FOXP2: variants seen among roughly 807,000 people sequenced by gnomAD.
FOXP2 encodes the protein forkhead box P2, also known as forkhead box protein P2.
Under a neutral mutation model 115.8 loss-of-function variants are expected in FOXP2, and 12 were observed. That is an observed-to-expected ratio of 0.10 (90% CI 0.07 to 0.17). The LOEUF is 0.17. Ranked by LOEUF, FOXP2 falls within the 10% of genes least tolerant of loss-of-function variation. The pLI, the probability that FOXP2 is intolerant of heterozygous loss-of-function variation, is 1.00. For synonymous variants in FOXP2, 328 were observed against 297.7 expected, an observed-to-expected ratio of 1.10 and a Z score of -1.05; for missense variants, 629 against 843.5, an observed-to-expected ratio of 0.75 and a Z score of 3.15.
intron 3 of FOXP2, among the ~76,000 whole-genome samples, chr7:114,596,737 T>C (rs986462139): frequency 1.3e-5 from 2 of 152,042 alleles, no homozygotes; most frequent in Non-Finnish European, 2.9e-5. Context: ...GTGTCCCAGG[T>C]ATTTGGAAGA....
intron 1 of FOXP2, among the ~76,000 whole-genome samples, chr7:114,241,496 G>T (rs1316442905): frequency 6.6e-6 from 1 of 151,956 alleles, no homozygotes; most frequent in Non-Finnish European, 1.5e-5. Context: ...TAATTCTATT[G>T]GACAGAATAA....
chr7:114,212,307 A>G (rs1794379284), intron 1 of FOXP2, among the ~76,000 whole-genome samples: 1 of 151,728 alleles, frequency 6.6e-6, no homozygotes, highest in Admixed American at 6.6e-5. Flanking sequence ...ATTTTATTTC[A>G]ATATTAGTAA....
chr7:114,596,448 A>T (rs1802714357), intron 3 of FOXP2, among the ~76,000 whole-genome samples: 1 of 152,108 alleles, frequency 6.6e-6, no homozygotes, highest in Admixed American at 6.6e-5. Context: ...CCCCTGAGAG[A>T]GCTTTCTGAA....
At chr7:114,483,102 A>G (rs951985313) in intron 2 of FOXP2, among the ~76,000 whole-genome samples, 3 of 151,572 alleles carry the variant, frequency 2.0e-5, no homozygotes, top group African/African-American at 7.2e-5. Context: ...GTTTTCATTT[A>G]TTCCTGTTTC....
chr7:114,586,317 A>T (rs983792741), intron 3 of FOXP2, among the ~76,000 whole-genome samples: 7 of 152,126 alleles, frequency 4.6e-5, no homozygotes, highest in Non-Finnish European at 7.4e-5. Flanking sequence ...AATGTCTCTG[A>T]TACTCCTTTT....
At chr7:114,681,184 A>C (rs1450903492) in intron 16 of FOXP2, among the ~76,000 whole-genome samples, 4 of 152,130 alleles carry the variant, frequency 2.6e-5, no homozygotes, top group African/African-American at 9.7e-5. Context: ...ATACTCAATA[A>C]ATTTTTGTTA....
chr7:114,451,527 T>G (rs2129218830), intron 2 of FOXP2, among the ~76,000 whole-genome samples: 1 of 152,194 alleles, frequency 6.6e-6, no homozygotes, highest in African/African-American at 2.4e-5. Context: ...GTTCTTGTCC[T>G]TATCAGAAAG....
intron 10 of FOXP2, among the ~76,000 whole-genome samples, chr7:114,657,125 G>A (rs936145): frequency 0.34 from 50,962 of 151,918 alleles, 9,906 homozygotes; most frequent in Non-Finnish European, 0.45. Flanking sequence ...GCTGCCCTGC[G>A]TAAAAATTTT....
In FOXP2 at chr7:114,421,849, TG is replaced by T. The variant is rs1223144402; in HGVS notation, c.-10-4651del. Among the ~76,000 whole-genome samples, 13 of 151,892 alleles carry T rather than the reference TG, an allele frequency of 8.6e-5. No individual in the cohort carries two copies. The East Asian group carries it at 2.5e-3, about 30-fold the overall frequency. ...TGCTGGATCTCAAATGCACTATGCA[TG>T]GTGCCTATGATGAATTAATTCCACT... is the stretch of plus-strand genomic sequence containing the variant. On this transcript the variant is annotated intron_variant, in intron 1 of 16. Coordinates refer to ENST00000350908, the MANE Select transcript of FOXP2 (RefSeq NM_014491.4).
At chr7:114,355,801 ACATCTTTACC>A (rs1383452855) in intron 2 of FOXP2, among the ~76,000 whole-genome samples, 1 of 152,154 alleles carries the variant, frequency 6.6e-6, no homozygotes, top group Admixed American at 6.6e-5. Flanking sequence ...TGGAAAAGGT[ACATCTTTACC>A]CATTAGAAAA....
chr7:114,275,076 T>C (rs1161898536), intron 1 of FOXP2, among the ~76,000 whole-genome samples: 1 of 152,082 alleles, frequency 6.6e-6, no homozygotes, highest in Non-Finnish European at 1.5e-5. Context: ...CTTTATTTTT[T>C]CAGGACTTTT....
At chr7:114,580,447 A>G (rs1295238920) in intron 3 of FOXP2, among the ~76,000 whole-genome samples, 3 of 152,080 alleles carry the variant, frequency 2.0e-5, no homozygotes, top group Non-Finnish European at 4.4e-5. Context: ...GTGTGATGGC[A>G]TATTCCTGTA....
intron 2 of FOXP2, among the ~76,000 whole-genome samples, chr7:114,395,573 A>G (rs1792716426): frequency 6.6e-6 from 1 of 152,146 alleles, no homozygotes; most frequent in African/African-American, 2.4e-5. Flanking sequence ...TGTGTAAGAG[A>G]GCCTCATACC....
chr7:114,217,752 G>T (rs1563009689), intron 1 of FOXP2, among the ~76,000 whole-genome samples: 1 of 152,166 alleles, frequency 6.6e-6, no homozygotes, highest in Non-Finnish European at 1.5e-5. Flanking sequence ...TATATAACAT[G>T]CTCTATCCAC....
At chr7:114,418,728 C>G (rs910131020) in intron 1 of FOXP2, among the ~76,000 whole-genome samples, 1 of 150,598 alleles carries the variant, frequency 6.6e-6, no homozygotes, top group Non-Finnish European at 1.5e-5. Flanking sequence ...GAGAACCTGT[C>G]GATCGCAAAG....
rs969743589 is a variant in FOXP2 at position 114,303,471 on chromosome 7, G to T, written c.-11+15362G>T. On this transcript the variant is annotated intron_variant, in intron 2 of 17. Coordinates refer to the FOXP2 transcript ENST00000634411. ...TTAGTAGAAGGCTTGTTTGACCAAA[G>T]CACTGGAGCAGAGAATGACTTCACA... Among the ~76,000 whole-genome samples, 3 of 152,166 alleles carry T rather than the reference G, an allele frequency of 2.0e-5. 1 individual carries two copies. In the South Asian group the frequency reaches 6.2e-4, roughly 31 times the overall value.
rs114278320 is a variant in FOXP2 at position 114,191,369 on chromosome 7, C to T, written c.-102+28281C>T. 1.3e-3 allele frequency among the ~76,000 whole-genome samples: 194 copies of T among 152,212 alleles called. 2 individuals carry two copies. The highest frequency in any genetic ancestry group is 4.4e-3 in the African/African-American group (182 of 41,556). On this transcript the variant is annotated intron_variant, in intron 1 of 17. Coordinates refer to the FOXP2 transcript ENST00000634411. ...AAAATCCCAAGAGAGAGGACATGCC[C>T]TGTGGCCCAATGAAAGTATTTAACT...
intron 1 of FOXP2, among the ~76,000 whole-genome samples, chr7:114,131,088 T>C (rs993822561): frequency 2.0e-5 from 3 of 152,224 alleles, no homozygotes; most frequent in African/African-American, 7.2e-5. Context: ...GAATGGAATT[T>C]GTGTTGACAG....
At chr7:114,374,984 C>T (rs1009798951) in intron 2 of FOXP2, among the ~76,000 whole-genome samples, 6 of 151,502 alleles carry the variant, frequency 4.0e-5, no homozygotes, top group East Asian at 1.9e-4. Context: ...AGGGTGGGGG[C>T]GGTCCAGGCA....
Sources: gnomAD v4.1 joint callset for allele counts (sites outside exome capture counted in the v4.1 genomes callset) on GRCh38, gnomAD v4.1.1 for gene constraint, MANE v1.5 for transcripts, NCBI Gene and HGNC (gene_info 2026-07-23, HGNC 2026-07-21) for gene names.